Variants in ARHGAP32 observed in about 807,000 individuals in gnomAD.
ARHGAP32 encodes Rho GTPase activating protein 32.
ARHGAP32 carries 51 observed loss-of-function variants against 186.5 expected under a neutral mutation model. The observed-to-expected ratio is 0.27, with a 90% confidence interval of 0.22 to 0.35. The LOEUF (loss-of-function observed/expected upper bound fraction) is 0.35, where lower values mean the gene tolerates loss of function less well. Ranked by LOEUF, ARHGAP32 falls within the 10% of genes least tolerant of loss-of-function variation. The pLI, the probability that ARHGAP32 is intolerant of heterozygous loss-of-function variation, is 1.00. For synonymous variants in ARHGAP32, 950 were observed against 964.3 expected, an observed-to-expected ratio of 0.99 and a Z score of 0.27; for missense variants, 2,186 against 2,623.5, an observed-to-expected ratio of 0.83 and a Z score of 3.64.
chr11:129,141,292 T>C (rs1943046992), intron 2 of ARHGAP32, among the ~76,000 whole-genome samples: 1 of 150,926 alleles, frequency 6.6e-6, no homozygotes, highest in African/African-American at 2.5e-5. Context: ...AGCATTGCCA[T>C]AAAAAAGGAT....
At chr11:129,096,715 T>G (rs1376586436) in intron 5 of ARHGAP32, among the ~76,000 whole-genome samples, 1 of 152,336 alleles carries the variant, frequency 6.6e-6, no homozygotes, top group African/African-American at 2.4e-5. Context: ...ATGTGTCCAT[T>G]ACACCTAGCT....
chr11:129,159,580 C>A (rs1035233646), intron 2 of ARHGAP32, among the ~76,000 whole-genome samples: 6 of 151,842 alleles, frequency 4.0e-5, no homozygotes, highest in African/African-American at 1.2e-4. Context: ...TAATTAATAG[C>A]CTACCTACCA....
chr11:129,252,396 T>C (rs1945197409), intron 1 of ARHGAP32, among the ~76,000 whole-genome samples: 1 of 152,214 alleles, frequency 6.6e-6, no homozygotes, highest in African/African-American at 2.4e-5. Context: ...CACTTAACAG[T>C]TTATCTGGCA....
chr11:129,139,864 T>A (rs1192315591), intron 2 of ARHGAP32, among the ~76,000 whole-genome samples: 1 of 152,144 alleles, frequency 6.6e-6, no homozygotes, highest in Non-Finnish European at 1.5e-5. Context: ...TTATGAAGTA[T>A]AAATACCAGA....
intron 1 of ARHGAP32, among the ~76,000 whole-genome samples, chr11:129,222,896 T>C (rs974569900): frequency 1.8e-4 from 27 of 152,312 alleles, no homozygotes; most frequent in African/African-American, 5.0e-4. Flanking sequence ...AAAAAGGATA[T>C]TGCAGTATCC....
intron 2 of ARHGAP32, among the ~76,000 whole-genome samples, chr11:129,149,223 G>C (rs1017396559): frequency 6.6e-6 from 1 of 152,162 alleles, no homozygotes; most frequent in African/African-American, 2.4e-5. Flanking sequence ...GAATAATCTT[G>C]CTGCCAGGAA....
At chr11:129,005,539 G>GA (rs1937717675) in intron 11 of ARHGAP32, among the ~76,000 whole-genome samples, 1 of 152,186 alleles carries the variant, frequency 6.6e-6, no homozygotes, top group Non-Finnish European at 1.5e-5. Context: ...CTAGGGCAAA[G>GA]TTTTTTTCCT....
intron 10 of ARHGAP32, among the ~76,000 whole-genome samples, chr11:129,052,563 C>G (rs1665097307): frequency 1.3e-5 from 2 of 151,858 alleles, no homozygotes; most frequent in Non-Finnish European, 2.9e-5. Flanking sequence ...TTTAATGTCT[C>G]TTAGCAATGT....
chr11:129,074,684 A>G (rs528526633), intron 6 of ARHGAP32, among the ~76,000 whole-genome samples: 3,868 of 152,074 alleles, frequency 0.025, 91 homozygotes, highest in African/African-American at 0.062. Context: ...TAGTAGAGAC[A>G]GGTTTCACCA....
At chr11:129,253,958 T>C (rs1747699664) in intron 1 of ARHGAP32, among the ~76,000 whole-genome samples, 1 of 152,168 alleles carries the variant, frequency 6.6e-6, no homozygotes, top group African/African-American at 2.4e-5. Flanking sequence ...TGGTTAGTTA[T>C]TCTAACTGAA....
In ARHGAP32 at chr11:129,155,371, A is replaced by G. The variant is rs571439578; in HGVS notation, c.225+8948T>C. Among the ~76,000 whole-genome samples the G allele has an allele frequency of 2.0e-5, 3 of 152,366 alleles. No homozygotes were observed. The East Asian group carries it at 5.8e-4, about 29-fold the overall frequency. ...TCATACTTTTAAGGCACAGGTGAATATCTATTATTTTGTTATCAAATTAGA... is the reference window on the plus strand; with the variant it reads ...TCATACTTTTAAGGCACAGGTGAATGTCTATTATTTTGTTATCAAATTAGA... On this transcript the variant is annotated intron_variant, in intron 2 of 22. Transcript: ENST00000682385.
intron 11 of ARHGAP32, among the ~76,000 whole-genome samples, chr11:129,006,743 T>C (rs1278299685): frequency 6.6e-6 from 1 of 152,148 alleles, no homozygotes; most frequent in Admixed American, 6.5e-5. Flanking sequence ...ACTGCCTGTG[T>C]TTGTTCAAGG....
At chr11:129,247,433 C>T (rs912492163) in intron 1 of ARHGAP32, among the ~76,000 whole-genome samples, 2 of 152,162 alleles carry the variant, frequency 1.3e-5, no homozygotes, top group Non-Finnish European at 2.9e-5. Flanking sequence ...TTAAAGACAC[C>T]TCACAAACAA....
chr11:129,109,133 G>A (rs928070691), intron 5 of ARHGAP32, among the ~76,000 whole-genome samples: 1 of 152,044 alleles, frequency 6.6e-6, no homozygotes, highest in African/African-American at 2.4e-5. Context: ...GATCCCACAT[G>A]TAAGTGAGAA....
rs77150832 is a variant in ARHGAP32 at position 129,091,834 on chromosome 11, T to C, written c.531+1787A>G. Among the ~76,000 whole-genome samples the C allele has an allele frequency of 3.3e-5, 5 of 152,188 alleles. No individual in the cohort carries two copies. The East Asian group carries it at 9.6e-4, about 29-fold the overall frequency. ...GTAATTTGGACCTCAGTTTCCTCAC[T>C]TGCAAAATTAGAGGGTCTAATTGTA... On this transcript the variant is annotated intron_variant, in intron 6 of 22. Coordinates refer to ENST00000682385, the MANE Select transcript of ARHGAP32 (RefSeq NM_001378024.1).
At chr11:129,159,889 C>T (rs12288545) in intron 2 of ARHGAP32, among the ~76,000 whole-genome samples, 2,946 of 152,312 alleles carry the variant, frequency 0.019, 50 homozygotes, top group African/African-American at 0.041. Flanking sequence ...AAGTCAGCTT[C>T]AACCCTGGGA....
chr11:129,256,914 A>G (rs1353439269), intron 1 of ARHGAP32, among the ~76,000 whole-genome samples: 2 of 152,156 alleles, frequency 1.3e-5, no homozygotes, highest in Non-Finnish European at 1.5e-5. Flanking sequence ...GCCTTTCCCT[A>G]AAAGTCTCTA....
intron 11 of ARHGAP32, among the ~76,000 whole-genome samples, chr11:129,035,765 A>C (rs1400231505): frequency 6.6e-6 from 1 of 151,752 alleles, no homozygotes; most frequent in East Asian, 1.9e-4. Flanking sequence ...AATTGCTTGA[A>C]CCTGGAAGGC....
intron 1 of ARHGAP32, among the ~76,000 whole-genome samples, chr11:129,200,974 T>A (rs895519959): frequency 7.9e-5 from 12 of 152,104 alleles, no homozygotes; most frequent in Admixed American, 7.9e-4. Flanking sequence ...AAGAAAAAAG[T>A]CCCTATTAAG....
Sources: allele counts gnomAD v4.1 joint callset (sites outside exome capture counted in the v4.1 genomes callset), GRCh38; gene constraint gnomAD v4.1.1; transcripts MANE v1.5; gene names NCBI Gene and HGNC (gene_info 2026-07-23, HGNC 2026-07-21).